The following DICER1 variants were observed in gnomAD, a reference collection of about 807,000 sequenced individuals.
The protein encoded by DICER1 is endoribonuclease Dicer.
A neutral mutation model predicts 194.1 loss-of-function variants in DICER1; 43 were observed. The ratio of observed to expected loss-of-function variants is 0.22; its 90% CI spans 0.17 to 0.29. The LOEUF (loss-of-function observed/expected upper bound fraction) is 0.29, where lower values mean the gene tolerates loss of function less well. DICER1 is among the 10% of genes least tolerant of loss of function. DICER1 has a pLI of 1.00. For synonymous variants in DICER1, 832 were observed against 820.5 expected, an observed-to-expected ratio of 1.01 and a Z score of -0.24; for missense variants, 1,608 against 2,317.0, an observed-to-expected ratio of 0.69 and a Z score of 6.28.
At chr14:95,147,851 G>T (rs895526825) in intron 1 of DICER1, among the ~76,000 whole-genome samples, 1 of 152,120 alleles carries the variant, frequency 6.6e-6, no homozygotes, top group Non-Finnish European at 1.5e-5. Flanking sequence ...TAACTTGCTA[G>T]ACCAGCTCAC....
At chr14:95,156,883 G>C (rs892777547) in intron 1 of DICER1, among the ~76,000 whole-genome samples, 2 of 152,098 alleles carry the variant, frequency 1.3e-5, no homozygotes, top group Admixed American at 6.5e-5. Context: ...CGCGCGTGAC[G>C]GGACCTGTCA....
chr14:95,134,954 T>C (rs1894246411), intron 1 of DICER1, among the ~76,000 whole-genome samples: 1 of 152,172 alleles, frequency 6.6e-6, no homozygotes, highest in Non-Finnish European at 1.5e-5. Context: ...AGCCATTCCT[T>C]TTACCCTAGT....
In DICER1 at chr14:95,116,488, C is replaced by G; in HGVS notation, c.1717G>C (p.Glu573Gln). The G allele has an allele frequency of 6.2e-7, 1 of 1,613,232 alleles. No homozygotes were observed. The highest frequency in any genetic ancestry group is 8.5e-7 in the Non-Finnish European group (1 of 1,179,880). ...LADTDKIKSF[E>Q]EDLKTYKAIE... is the part of the protein sequence containing the mutation. ...GCTTTGTAGGTTTTAAGGTCTTCTT[C>G]AAAACTTTTTATTTTGTCTGTATCC... Residue 573 changes from glutamate to glutamine, a missense_variant, in exon 10 of 27, where the codon GAA becomes CAA. Physicochemically the swap from Glu to Gln is conservative, Grantham distance 29 (BLOSUM62 2). Around this residue, in one of 10 missense-constraint regions of DICER1, gnomAD observed 657 missense variants for 910.1 expected, o/e 0.72. Transcript: ENST00000343455.
chr14:95,106,164 G>A lies in DICER1; in HGVS notation c.2864C>T (p.Thr955Ile), dbSNP rs1167965153. The A allele has an allele frequency of 6.2e-7, 1 of 1,613,694 alleles. No individual in the cohort carries two copies. Among genetic ancestry groups the A allele is most frequent in the Non-Finnish European group, 8.5e-7 (1 of 1,179,724 alleles). ...AGGGGAAGGAAATTTACTGAGTGGG[G>A]TAAGATCAGTGTACACATCAGCTAC... ...FYVADVYTDL[T>I]PLSKFPSPEY... Residue 955 changes from threonine (T) to isoleucine (I), a missense_variant, in exon 18 of 27, where the codon ACC becomes ATC. Coordinates refer to ENST00000343455, the MANE Select transcript of DICER1 (RefSeq NM_177438.3).
chr14:95,134,832 T>A lies in DICER1; in HGVS notation c.-45-1329A>T, dbSNP rs1894236800. Among the ~76,000 whole-genome samples the A allele has an allele frequency of 2.0e-5, 3 of 152,312 alleles. No individual in the cohort carries two copies. The South Asian group carries it at 6.2e-4, about 32-fold the overall frequency. ...TCTTTCCAGAAGGGAACAAGCGAAG[T>A]ACCACAGAGTACTTTATGAGATAAT... On this transcript the variant is annotated intron_variant, in intron 1 of 26. Transcript: ENST00000343455.
At chr14:95,097,944 C>T (rs1329671296) in intron 22 of DICER1, among the ~76,000 whole-genome samples, 1 of 152,118 alleles carries the variant, frequency 6.6e-6, no homozygotes, top group Non-Finnish European at 1.5e-5. Flanking sequence ...CTTAGACTTT[C>T]CAAGGCAACA....
At position 95,089,673 on chromosome 14, in the gene DICER1, C is replaced by T. The variant is rs1179506115; in HGVS notation, c.*825G>A. On this transcript the variant is annotated 3_prime_UTR_variant, in exon 27 of 27. Transcript: ENST00000343455. ...TAAAATGTCTTCAGTATACATATGA[C>T]AGAAATTTTAGTATGATCCTGTAAT... is the stretch of plus-strand genomic sequence containing the variant. The T allele has an allele frequency of 4.3e-6, 1 of 231,358 alleles. No homozygotes were observed. Among genetic ancestry groups the T allele is most frequent in the Non-Finnish European group, 8.6e-6 (1 of 116,914 alleles). 14.3% of individuals were successfully genotyped at this position (231,358 alleles called of 1,614,324 possible).
chr14:95,113,692 G>A (rs1466061151), intron 11 of DICER1, among the ~76,000 whole-genome samples: 1 of 152,216 alleles, frequency 6.6e-6, no homozygotes, highest in East Asian at 1.9e-4. Flanking sequence ...ACAGCCCAGT[G>A]CTGACACAAA....
At position 95,104,143 on chromosome 14, in the gene DICER1, A is replaced by G. The variant is rs1212432643; in HGVS notation, c.3270-17T>C. 3.8e-6 allele frequency: 6 copies of G among 1,598,588 alleles called. No homozygotes were observed. The highest frequency in any genetic ancestry group is 4.3e-6 in the Non-Finnish European group (5 of 1,171,488). ...TTAGGGTATCTGCAAAGACATTTTT[A>G]TAACTTTACATCAGATTCTTCAAAA... On this transcript the variant is annotated splice_polypyrimidine_tract_variant and intron_variant, in intron 20 of 26. Transcript: ENST00000343455.
intron 17 of DICER1, among the ~76,000 whole-genome samples, chr14:95,106,798 G>T (rs909125763): frequency 2.0e-5 from 3 of 151,858 alleles, no homozygotes; most frequent in African/African-American, 7.3e-5. Context: ...AATCATTCTG[G>T]ATTTACTATT....
chr14:95,115,244 T>C (rs1204059951), intron 11 of DICER1, among the ~76,000 whole-genome samples: 1 of 152,216 alleles, frequency 6.6e-6, no homozygotes, highest in African/African-American at 2.4e-5. Context: ...TCTTAGAAAT[T>C]TTATTATCAG....
At chr14:95,128,176 A>G (rs1893642105) in intron 6 of DICER1, among the ~76,000 whole-genome samples, 1 of 152,258 alleles carries the variant, frequency 6.6e-6, no homozygotes, top group Admixed American at 6.5e-5. Flanking sequence ...GATAATTTTA[A>G]TAAAAGAAAT....
In DICER1 at chr14:95,089,604, A is replaced by C. The variant is rs530836779; in HGVS notation, c.*894T>G. ...AAAATGGGGTGTTTAGCCAAAGATC[A>C]TTTTTATGATAAAAAATATCCGTAG... On this transcript the variant is annotated 3_prime_UTR_variant, in exon 27 of 27. Coordinates refer to ENST00000343455, the MANE Select transcript of DICER1 (RefSeq NM_177438.3). The C allele has an allele frequency of 2.7e-4, 62 of 231,740 alleles. No individual in the cohort carries two copies. The highest frequency in any genetic ancestry group is 4.8e-4 in the Non-Finnish European group (56 of 117,232). The allele number at this position is 231,740 out of a possible 1,614,324, so 14.4% of individuals were successfully genotyped here.
chr14:95,144,353 T>TTA (rs773305893), intron 1 of DICER1, among the ~76,000 whole-genome samples: 72 of 152,100 alleles, frequency 4.7e-4, no homozygotes, highest in Non-Finnish European at 9.7e-4. Context: ...AAAAATTATC[T>TTA]TAATGCCAGC....
chr14:95,104,967 T>C, intron 20 of DICER1, 104 bp downstream of exon 20: 1 of 1,168,206 alleles, frequency 8.6e-7, no homozygotes, highest in Non-Finnish European at 1.3e-6. Flanking sequence ...ATTTTCTTTT[T>C]ACTCTTTTAA....
At position 95,108,658 on chromosome 14, in the gene DICER1, C is replaced by T. The variant is rs150012242; in HGVS notation, c.2257-155G>A. Among the ~76,000 whole-genome samples the T allele has an allele frequency of 5.4e-3, 823 of 152,296 alleles. 7 individuals are homozygous for T. Among genetic ancestry groups the T allele is most frequent in the African/African-American group, 0.019 (792 of 41,562 alleles). On this transcript the variant is annotated intron_variant, in intron 14 of 26. Transcript: ENST00000343455. ...GCATGACACTTCTTAATTACTTAACCCTGCTGGGTAAGTCAGCGGATCTCA... is the reference window on the plus strand; with the variant it reads ...GCATGACACTTCTTAATTACTTAACTCTGCTGGGTAAGTCAGCGGATCTCA...
chr14:95,097,474 C>G (rs186704404), intron 22 of DICER1, among the ~76,000 whole-genome samples: 2 of 152,278 alleles, frequency 1.3e-5, no homozygotes, highest in Admixed American at 1.3e-4. Flanking sequence ...ACACAACAAT[C>G]CAATTTCTGT....
intron 1 of DICER1, among the ~76,000 whole-genome samples, chr14:95,137,440 A>G (rs1894482497): frequency 7.7e-6 from 1 of 129,820 alleles, no homozygotes; most frequent in Non-Finnish European, 1.6e-5. Flanking sequence ...AGGAAGGAAA[A>G]GGGGAAGAGG....
intron 22 of DICER1, among the ~76,000 whole-genome samples, chr14:95,096,924 C>T (rs575094193): frequency 3.1e-4 from 47 of 152,096 alleles, no homozygotes; most frequent in Non-Finnish European, 5.3e-4. Flanking sequence ...TTTGAATGTT[C>T]GTTTTCTAAG....
Sources: gnomAD v4.1 joint callset for allele counts (sites outside exome capture counted in the v4.1 genomes callset) on GRCh38, gnomAD v4.1.1 for gene constraint, gnomAD v4.1.1 regional missense constraint, MANE v1.5 for transcripts, NCBI Gene and HGNC (gene_info 2026-07-23, HGNC 2026-07-21) for gene names.